CHMP2B: variants seen among roughly 807,000 people sequenced by gnomAD.
The protein encoded by CHMP2B is charged multivesicular body protein 2B.
Under a neutral mutation model 29.8 loss-of-function variants are expected in CHMP2B, and 22 were observed. The ratio of observed to expected loss-of-function variants is 0.74; its 90% CI spans 0.53 to 1.05. The LOEUF (loss-of-function observed/expected upper bound fraction) is 1.05. CHMP2B is among the 50% of genes least tolerant of loss of function. The pLI, the probability that CHMP2B is intolerant of heterozygous loss-of-function variation, is 0.00. For synonymous variants in CHMP2B, 78 were observed against 75.8 expected (o/e 1.03, Z -0.15); for missense variants, 261 against 252.2 (o/e 1.03, Z -0.24).
In CHMP2B at chr3:87,252,342, G is replaced by T. The variant is rs78439602; in HGVS notation, c.425-1062G>T. On this transcript the variant is annotated intron_variant, in intron 4 of 5. Coordinates refer to ENST00000263780, the MANE Select transcript of CHMP2B (RefSeq NM_014043.4). ...TCTGGGGACATTCCCCAGATACCAGGAGAGGAACAATTTTAGGCTAGCTGC... is the reference window on the plus strand; with the variant it reads ...TCTGGGGACATTCCCCAGATACCAGTAGAGGAACAATTTTAGGCTAGCTGC... Among the ~76,000 whole-genome samples the T allele has an allele frequency of 9.3e-4, 142 of 151,904 alleles. 1 individual carries two copies. The East Asian group carries it at 0.019, about 20-fold the overall frequency.
intron 1 of CHMP2B, among the ~76,000 whole-genome samples, chr3:87,233,431 A>G (rs1705940916): frequency 6.6e-6 from 1 of 151,924 alleles, no homozygotes; most frequent in African/African-American, 2.4e-5. Flanking sequence ...TTAGCTTTTG[A>G]GTTTGTCATA....
chr3:87,230,417 T>C (rs1336228959), intron 1 of CHMP2B, among the ~76,000 whole-genome samples: 1 of 152,220 alleles, frequency 6.6e-6, no homozygotes, highest in Non-Finnish European at 1.5e-5. Context: ...GTGTCAGAAC[T>C]AGGACCTCAT....
intron 3 of CHMP2B, among the ~76,000 whole-genome samples, chr3:87,247,763 A>G (rs1241296637): frequency 6.6e-6 from 1 of 152,206 alleles, no homozygotes; most frequent in African/African-American, 2.4e-5. Context: ...CTGTGCAAAC[A>G]TACAGTTAGA....
chr3:87,254,972 A>G lies in CHMP2B; in HGVS notation c.*1150A>G, dbSNP rs994567731. 6.6e-6 allele frequency: 1 copy of G among 152,046 alleles called. No homozygotes were observed. Among genetic ancestry groups the G allele is most frequent in the Non-Finnish European group, 1.5e-5 (1 of 67,934 alleles). 9.4% of individuals were successfully genotyped at this position (152,046 alleles called of 1,614,324 possible). ...TTTTTTAAGGTGAAATTGCCTTGGT[A>G]TCTAATGAATGTGTAGACAGGGAGA... On this transcript the variant is annotated 3_prime_UTR_variant, in exon 6 of 6. Coordinates refer to ENST00000263780, the MANE Select transcript of CHMP2B (RefSeq NM_014043.4).
chr3:87,234,262 A>G (rs368714143), intron 1 of CHMP2B, among the ~76,000 whole-genome samples: 3 of 152,202 alleles, frequency 2.0e-5, no homozygotes, highest in Middle Eastern at 3.2e-3. Context: ...ACTGGACCAC[A>G]TGGGAGACCT....
intron 1 of CHMP2B, among the ~76,000 whole-genome samples, chr3:87,230,794 G>A (rs1255738199): frequency 6.6e-6 from 1 of 152,156 alleles, no homozygotes; most frequent in African/African-American, 2.4e-5. Context: ...CATGCAATGA[G>A]ATGTTGCTTA....
rs1471993361 is a variant in CHMP2B at position 87,227,464 on chromosome 3, C to T, written c.-59C>T. 1 of 1,607,184 alleles carries T rather than the reference C, an allele frequency of 6.2e-7. No individual in the cohort carries two copies. Among genetic ancestry groups the T allele is most frequent in the East Asian group, 2.2e-5 (1 of 44,830 alleles). On this transcript the variant is annotated 5_prime_UTR_variant, in exon 1 of 6. Coordinates refer to ENST00000263780, the MANE Select transcript of CHMP2B (RefSeq NM_014043.4). Reference sequence around the variant, plus strand: ...AAGGTCCTGTCCTTTTCCTCCTGTCCTTTGCCAGCGTTGGGCCGGACCGGG... The same window carrying T: ...AAGGTCCTGTCCTTTTCCTCCTGTCTTTTGCCAGCGTTGGGCCGGACCGGG...
rs770968398 is a variant in CHMP2B, at chr3:87,240,729, G to A, written c.65G>A (p.Arg22Gln). Residue 22 changes from arginine (R) to glutamine (Q), a missense_variant, in exon 2 of 6, where the codon CGA becomes CAA. Coordinates refer to ENST00000263780, the MANE Select transcript of CHMP2B (RefSeq NM_014043.4). ...ATAAAGGAACAGAATCGAGAGTTAC[G>A]AGGTACACAGAGGGCTATAATCAGA... The part of the protein sequence containing the change: ...DVIKEQNREL[R>Q]GTQRAIIRDR... The A allele has an allele frequency of 4.3e-6, 7 of 1,613,230 alleles. No homozygotes were observed. The Admixed American group carries it at 5.0e-5, about 12-fold the overall frequency.
chr3:87,239,153 T>G (rs990662683), intron 1 of CHMP2B, among the ~76,000 whole-genome samples: 9 of 152,124 alleles, frequency 5.9e-5, no homozygotes, highest in African/African-American at 2.2e-4. Context: ...TAAGAATTTT[T>G]TATATATTCT....
chr3:87,239,962 A>C (rs1374058020), intron 1 of CHMP2B, among the ~76,000 whole-genome samples: 5 of 152,134 alleles, frequency 3.3e-5, no homozygotes, highest in Non-Finnish European at 5.9e-5. Context: ...TCAGTCTGTT[A>C]ATATTTACTG....
At chr3:87,243,803 A>G (rs1706163714) in intron 2 of CHMP2B, among the ~76,000 whole-genome samples, 1 of 151,940 alleles carries the variant, frequency 6.6e-6, no homozygotes, top group Non-Finnish European at 1.5e-5. Flanking sequence ...ACTATCCTTT[A>G]ACATCTTTAG....
chr3:87,236,202 A>G (rs891520585), intron 1 of CHMP2B, among the ~76,000 whole-genome samples: 1 of 152,132 alleles, frequency 6.6e-6, no homozygotes, highest in African/African-American at 2.4e-5. Context: ...CCCACCCTTT[A>G]GTCAAGTGTT....
Position 87,240,721 on chromosome 3 carries a change from AGAGTTAC to A in CHMP2B, c.61_67del (p.Leu21ValfsTer6). 1 of 1,613,282 alleles carries A rather than the reference AGAGTTAC, an allele frequency of 6.2e-7. No individual in the cohort carries two copies. The highest frequency in any genetic ancestry group is 8.5e-7 in the Non-Finnish European group (1 of 1,179,300). ...TAGATGTAATAAAGGAACAGAATCG[AGAGTTAC>A]GAGGTACACAGAGGGCTATAATCAG... is the stretch of plus-strand genomic sequence containing the variant. On this transcript the variant is annotated frameshift_variant, in exon 2 of 6. Transcript: ENST00000263780. LOFTEE classifies it high-confidence loss of function.
Position 87,240,787 on chromosome 3 carries a change from G to T in CHMP2B, c.123G>T (p.Gln41His), listed in dbSNP as rs1179091724. Residue 41 changes from glutamine (Q) to histidine (H), a missense_variant, in exon 2 of 6, where the codon CAG (glutamine) becomes CAT (histidine). Transcript: ENST00000263780. ...DRAALEKQEKQLELEIKKMAK... is the reference protein window; with the variant it reads ...DRAALEKQEKHLELEIKKMAK... ...CAGCTTTAGAGAAACAAGAAAAACAGCTGGTAAGTAGAACGTTAAATTTCA... is the reference window on the plus strand; with the variant it reads ...CAGCTTTAGAGAAACAAGAAAAACATCTGGTAAGTAGAACGTTAAATTTCA... 3.1e-6 allele frequency: 5 copies of T among 1,609,926 alleles called. No individual in the cohort carries two copies. The highest frequency in any genetic ancestry group is 4.3e-6 in the Non-Finnish European group (5 of 1,176,394).
intron 4 of CHMP2B, 160 bp from the exon 5 acceptor site, chr3:87,253,244 A>G: frequency 1.6e-6 from 1 of 623,532 alleles, no homozygotes; most frequent in Non-Finnish European, 2.9e-6. Context: ...ATATGTATTT[A>G]TCAATTTACT....
intron 1 of CHMP2B, among the ~76,000 whole-genome samples, chr3:87,234,114 C>T (rs1015513060): frequency 2.6e-5 from 4 of 152,090 alleles, no homozygotes; most frequent in African/African-American, 7.2e-5. Context: ...AATGAATGTC[C>T]ATATTTATAC....
intron 1 of CHMP2B, among the ~76,000 whole-genome samples, chr3:87,238,342 A>G (rs112988160): frequency 6.6e-6 from 1 of 152,090 alleles, no homozygotes; most frequent in Admixed American, 6.5e-5. Context: ...CATCACCTCA[A>G]AATAAAATCC....
chr3:87,253,668 A>C, intron 5 of CHMP2B, 44 bp from the exon 6 acceptor site: 1 of 1,535,986 alleles, frequency 6.5e-7, no homozygotes, highest in South Asian at 1.1e-5. Flanking sequence ...TCCTAGTCCA[A>C]ATGTTTCCTA....
chr3:87,231,095 A>G (rs949134633), intron 1 of CHMP2B, among the ~76,000 whole-genome samples: 7 of 151,808 alleles, frequency 4.6e-5, no homozygotes, highest in Admixed American at 3.9e-4. Context: ...CTCTCCCTGC[A>G]TGATCTTATT....
Sources: gnomAD v4.1 joint callset for allele counts (sites outside exome capture counted in the v4.1 genomes callset) on GRCh38, gnomAD v4.1.1 for gene constraint, MANE v1.5 for transcripts, NCBI Gene and HGNC (gene_info 2026-07-23, HGNC 2026-07-21) for gene names.